The following KL variants were observed in gnomAD, a reference collection of about 807,000 sequenced individuals.
The protein encoded by KL is alpha-klotho.
In KL, 62 loss-of-function variants were observed where a neutral mutation model predicts 84.2. The observed-to-expected ratio is 0.74, with a 90% CI of 0.60 to 0.91. The LOEUF (loss-of-function observed/expected upper bound fraction) is 0.91. KL is among the 40% of genes least tolerant of loss of function. The pLI, the probability that KL is intolerant of heterozygous loss-of-function variation, is 0.00. For synonymous variants in KL, 528 were observed against 528.0 expected (o/e 1.00, Z 0.00); for missense variants, 1,261 against 1,305.7 (o/e 0.97, Z 0.53).
rs1475837377 is a variant in KL at position 33,016,449 on chromosome 13, C to G, written c.9C>G (p.Ala3=). ...CCTGGCTCCCGCGCAGCATGCCCGC[C>G]AGCGCCCCGCCGCGCCGCCCGCGGC... is the stretch of plus-strand genomic sequence containing the variant. The part of the protein sequence containing the change: MP[A]SAPPRRPRPP... The change falls in exon 1 of 5, where the codon GCC becomes GCG. Residue 3 remains alanine, a synonymous_variant. Transcript: ENST00000380099. The G allele has an allele frequency of 5.2e-6, 5 of 962,848 alleles. No homozygotes were observed. Among genetic ancestry groups the G allele is most frequent in the Non-Finnish European group, 6.2e-6 (5 of 812,294 alleles). 59.6% of individuals were successfully genotyped at this position (962,848 alleles called of 1,614,324 possible).
At chr13:33,044,997 CT>C (rs531967877) in intron 1 of KL, among the ~76,000 whole-genome samples, 412 of 152,012 alleles carry the variant, frequency 2.7e-3, no homozygotes, top group Non-Finnish European at 5.1e-3. Flanking sequence ...ATCAACATGC[CT>C]TTTATGTTTT....
intron 1 of KL, among the ~76,000 whole-genome samples, chr13:33,018,121 G>C (rs1446478985): frequency 6.6e-6 from 1 of 152,084 alleles, no homozygotes; most frequent in African/African-American, 2.4e-5. Context: ...TCAAATTTAG[G>C]CACCATTGTT....
Position 33,016,966 on chromosome 13 carries a change from C to G in KL, c.526C>G (p.Leu176Val). The change falls in exon 1 of 5, where the codon CTG (leucine) becomes GTG (valine). Residue 176 changes from leucine to valine, a missense_variant. Transcript: ENST00000380099. Reference sequence around the variant, plus strand: ...CGAGGGGCTGCGCTACTACCGGCGCCTGCTGGAGCGGCTGCGGGAGCTGGG... The same window carrying G: ...CGAGGGGCTGCGCTACTACCGGCGCGTGCTGGAGCGGCTGCGGGAGCTGGG... ...NREGLRYYRR[L>V]LERLRELGVQ... 1 of 1,600,792 alleles carries G rather than the reference C, an allele frequency of 6.2e-7. No individual in the cohort carries two copies. The highest frequency in any genetic ancestry group is 1.1e-5 in the South Asian group (1 of 90,048).
chr13:33,062,962 A>G (rs542938984), intron 4 of KL, among the ~76,000 whole-genome samples: 1 of 152,064 alleles, frequency 6.6e-6, no homozygotes, highest in African/African-American at 2.4e-5. Context: ...AGGGGGGGAA[A>G]ATGAAGTAAC....
chr13:33,017,706 T>C (rs1206887517), intron 1 of KL, among the ~76,000 whole-genome samples: 2 of 152,208 alleles, frequency 1.3e-5, no homozygotes, highest in East Asian at 3.9e-4. Context: ...ATAAGATCTG[T>C]CTTGCTTGTG....
At position 33,051,441 on chromosome 13, in the gene KL, C is replaced by T. The variant is rs114404944; in HGVS notation, c.820-2326C>T. On this transcript the variant is annotated intron_variant, in intron 1 of 4. Transcript: ENST00000380099. Reference sequence around the variant, plus strand: ...AGTTACTTGGGAGGTTGAAGTGGGACGATTGCTTGAGCCTGGGAGGTAGAG... The same window carrying T: ...AGTTACTTGGGAGGTTGAAGTGGGATGATTGCTTGAGCCTGGGAGGTAGAG... Among the ~76,000 whole-genome samples the T allele has an allele frequency of 8.4e-3, 1,272 of 152,122 alleles. 15 individuals carry two copies. Among genetic ancestry groups the T allele is most frequent in the African/African-American group, 0.017 (696 of 41,496 alleles).
intron 1 of KL, among the ~76,000 whole-genome samples, chr13:33,046,926 A>G (rs1871552523): frequency 6.6e-6 from 1 of 152,124 alleles, no homozygotes; most frequent in South Asian, 2.1e-4. Flanking sequence ...GAGTGTGTCA[A>G]CAATTTCCAC....
At chr13:33,046,370 T>C (rs1871529484) in intron 1 of KL, among the ~76,000 whole-genome samples, 1 of 152,212 alleles carries the variant, frequency 6.6e-6, no homozygotes, top group Admixed American at 6.5e-5. Flanking sequence ...GTAATGTGTG[T>C]GCTTCCGGGA....
rs781554390 is a variant in KL at position 33,061,121 on chromosome 13, T to C, written c.2042T>C (p.Val681Ala). ...TGCTTTCAAGAGCTCGGCCATCACG[T>C]CAAGCTTTGGATAACGATGAATGAG... ...RLCFQELGHH[V>A]KLWITMNEPY... Residue 681 changes from valine to alanine, a missense_variant, in exon 4 of 5, where the codon GTC becomes GCC. Val to Ala is a moderately conservative substitution (Grantham distance 64). Transcript: ENST00000380099. 6.2e-6 allele frequency: 10 copies of C among 1,613,986 alleles called. No individual in the cohort carries two copies. The African/African-American group carries it at 1.2e-4, about 19-fold the overall frequency.
chr13:33,056,816 AAAT>A, intron 3 of KL, among the ~76,000 whole-genome samples: 1 of 152,176 alleles, frequency 6.6e-6, no homozygotes, highest in Middle Eastern at 3.4e-3. Context: ...TTAAAAAAAA[AAAT>A]GACTGGATGT....
chr13:33,017,160 C>T lies in KL; in HGVS notation c.720C>T (p.Pro240=). ...AGTACTGGATCACCATCGACAACCC[C>T]TACGTGGTGGCCTGGCACGGCTACG... ...QVKYWITIDN[P]YVVAWHGYAT... is the part of the protein sequence containing the mutation. Residue 240 remains proline, a synonymous_variant, in exon 1 of 5, where the codon CCC becomes CCT. Coordinates refer to ENST00000380099, the MANE Select transcript of KL (RefSeq NM_004795.4). The T allele has an allele frequency of 6.2e-7, 1 of 1,601,356 alleles. No homozygotes were observed. The highest frequency in any genetic ancestry group is 8.5e-7 in the Non-Finnish European group (1 of 1,179,770).
At position 33,054,372 on chromosome 13, in the gene KL, T is replaced by G; in HGVS notation, c.1330+95T>G. 2.3e-6 allele frequency: 3 copies of G among 1,287,226 alleles called. No individual in the cohort carries two copies. The South Asian group carries it at 3.7e-5, about 16-fold the overall frequency. The allele number at this position is 1,287,226 out of a possible 1,614,324, so 79.7% of individuals were successfully genotyped here. On this transcript the variant is annotated intron_variant, in intron 2 of 4. Coordinates refer to ENST00000380099, the MANE Select transcript of KL (RefSeq NM_004795.4). ...CATAAATGATGTGAATTTATATTTT[T>G]AAATCCTAATGGAGACATTCATTTT... is the stretch of plus-strand genomic sequence containing the variant.
intron 1 of KL, among the ~76,000 whole-genome samples, chr13:33,024,275 G>C (rs1391425538): frequency 6.6e-6 from 1 of 152,212 alleles, no homozygotes. Context: ...CTTACCCTGT[G>C]GCAGGCAGGT....
chr13:33,021,391 T>A (rs1870569003), intron 1 of KL, among the ~76,000 whole-genome samples: 1 of 152,192 alleles, frequency 6.6e-6, no homozygotes, highest in Admixed American at 6.5e-5. Context: ...TGCAGCATTA[T>A]GAAGAAGTTT....
intron 3 of KL, among the ~76,000 whole-genome samples, chr13:33,058,458 A>C (rs1320352775): frequency 4.6e-5 from 7 of 151,068 alleles, no homozygotes; most frequent in Non-Finnish European, 8.8e-5. Context: ...CTCCTGCCTC[A>C]GCCTCCTGAG....
chr13:33,064,224 T>A lies in KL; in HGVS notation c.*38T>A. On this transcript the variant is annotated 3_prime_UTR_variant, in exon 5 of 5. Coordinates refer to ENST00000380099, the MANE Select transcript of KL (RefSeq NM_004795.4). ...TTCTATTCATTCATTTTGAAATAAT[T>A]ATGCAGACACATCAGCTGTTAACCA... 1 of 1,443,326 alleles carries A rather than the reference T, an allele frequency of 6.9e-7. No homozygotes were observed. Among genetic ancestry groups the A allele is most frequent in the Non-Finnish European group, 9.7e-7 (1 of 1,032,422 alleles). 89.4% of individuals were successfully genotyped at this position (1,443,326 alleles called of 1,614,324 possible).
chr13:33,053,694 T>G, intron 1 of KL, 73 bp from the exon 2 acceptor site: 1 of 1,359,556 alleles, frequency 7.4e-7, no homozygotes, highest in Non-Finnish European at 1.0e-6. Context: ...TAATCTGATT[T>G]GGGGATTCAA....
chr13:33,017,246 A>G lies in KL; in HGVS notation c.806A>G (p.His269Arg), dbSNP rs902621563. The G allele has an allele frequency of 8.9e-6, 14 of 1,577,938 alleles. No homozygotes were observed. The Admixed American group carries it at 1.8e-4, about 20-fold the overall frequency. The change falls in exon 1 of 5, where the codon CAC (histidine) becomes CGC (arginine). Residue 269 changes from histidine (H) to arginine (R), a missense_variant. Physicochemically the swap from His to Arg is conservative, Grantham distance 29 (BLOSUM62 0). Coordinates refer to ENST00000380099, the MANE Select transcript of KL (RefSeq NM_004795.4). The stretch of plus-strand genomic sequence containing the variant: ...CCGCGGCTCGGGTACCTGGTGGCGC[A>G]CAACCTCCTCCTGGTGAGTGCGAGG... Reference protein sequence around the residue: ...GSPRLGYLVAHNLLLAHAKVW... With the variant: ...GSPRLGYLVARNLLLAHAKVW...
At chr13:33,058,161 C>T (rs1872034153) in intron 3 of KL, among the ~76,000 whole-genome samples, 1 of 152,042 alleles carries the variant, frequency 6.6e-6, no homozygotes, top group South Asian at 2.1e-4. Context: ...GGACATAGAG[C>T]CTCTTTAACA....
Sources: gnomAD v4.1 joint callset for allele counts (sites outside exome capture counted in the v4.1 genomes callset) on GRCh38, gnomAD v4.1.1 for gene constraint, MANE v1.5 for transcripts, NCBI Gene and HGNC (gene_info 2026-07-23, HGNC 2026-07-21) for gene names.